The following MAP3K9 variants were observed in gnomAD, a reference collection of about 807,000 sequenced individuals.
MAP3K9 encodes the protein mitogen-activated protein kinase kinase kinase 9, also known as mixed lineage kinase 1 (tyr and ser/thr specificity).
A neutral mutation model predicts 95.8 loss-of-function variants in MAP3K9; 46 were observed. That is an observed-to-expected ratio of 0.48 (90% CI 0.38 to 0.61). The LOEUF (loss-of-function observed/expected upper bound fraction) is 0.61, where lower values mean the gene tolerates loss of function less well. Ranked by LOEUF, MAP3K9 falls within the 20% of genes least tolerant of loss-of-function variation. MAP3K9 has a pLI of 0.00. For missense variants in MAP3K9, 1,296 were observed against 1,474.3 expected (o/e 0.88, Z 1.98); for synonymous variants, 533 against 593.8 (o/e 0.90, Z 1.49).
chr14:70,760,691 G>C (rs2054361458), intron 3 of MAP3K9, among the ~76,000 whole-genome samples: 1 of 152,120 alleles, frequency 6.6e-6, no homozygotes, highest in African/African-American at 2.4e-5. Context: ...GAAGGACCGA[G>C]TGTCCTTCCC....
chr14:70,765,501 C>T, intron 2 of MAP3K9: 1 of 680,376 alleles, frequency 1.5e-6, no homozygotes, highest in Non-Finnish European at 2.7e-6. Context: ...TAAAGAAGTA[C>T]CATTTTTTAT....
intron 7 of MAP3K9, among the ~76,000 whole-genome samples, chr14:70,739,232 C>T (rs571391301): frequency 3.9e-5 from 6 of 152,188 alleles, no homozygotes; most frequent in African/African-American, 7.2e-5. Flanking sequence ...TGCATTCAAG[C>T]GATTCTCTTG....
chr14:70,749,117 A>T (rs576698188), intron 4 of MAP3K9, 113 bp from the exon 5 acceptor site: 2 of 1,024,604 alleles, frequency 2.0e-6, no homozygotes, highest in East Asian at 4.9e-5. Context: ...CTTCTTCCAG[A>T]AACAGAGATC....
At chr14:70,795,662 A>G (rs886096508) in intron 2 of MAP3K9, among the ~76,000 whole-genome samples, 1 of 152,182 alleles carries the variant, frequency 6.6e-6, no homozygotes, top group Non-Finnish European at 1.5e-5. Context: ...ATGAATATAA[A>G]AGTAATGAGA....
At chr14:70,794,532 A>C (rs1294364035) in intron 2 of MAP3K9, among the ~76,000 whole-genome samples, 1 of 152,180 alleles carries the variant, frequency 6.6e-6, no homozygotes, top group Non-Finnish European at 1.5e-5. Flanking sequence ...CAACACACTG[A>C]CAGAGGGAGG....
rs550985783 is a variant in MAP3K9, at chr14:70,795,852, G to A, written c.820+4815C>T. Among the ~76,000 whole-genome samples the A allele has an allele frequency of 2.3e-3, 343 of 151,144 alleles. 2 individuals carry two copies. The highest frequency in any genetic ancestry group is 3.6e-3 in the Non-Finnish European group (242 of 67,794). On this transcript the variant is annotated intron_variant, in intron 2 of 11. Coordinates refer to ENST00000554752, the MANE Select transcript of MAP3K9 (RefSeq NM_001284230.2). ...TAGCTCACCGCAATCTCTGCCTCCC[G>A]GGTTCAAATGATTCTGCCTCAGCCT... is the stretch of plus-strand genomic sequence containing the variant.
At chr14:70,757,807 T>C (rs925458364) in intron 3 of MAP3K9, among the ~76,000 whole-genome samples, 1 of 152,074 alleles carries the variant, frequency 6.6e-6, no homozygotes, top group Non-Finnish European at 1.5e-5. Flanking sequence ...TGGGAAAAAA[T>C]GGTCTTTTCA....
intron 3 of MAP3K9, chr14:70,753,047 T>G (rs1039570461): frequency 6.6e-6 from 1 of 152,232 alleles, no homozygotes; most frequent in Non-Finnish European, 1.5e-5. Context: ...AGAGAAAGAT[T>G]TAGACAGACT....
chr14:70,769,823 A>T (rs1204707698), intron 2 of MAP3K9, among the ~76,000 whole-genome samples: 2 of 152,200 alleles, frequency 1.3e-5, no homozygotes, highest in East Asian at 3.9e-4. Context: ...ATTAGGGCCC[A>T]TCCTAATCCA....
chr14:70,802,863 GA>G (rs564783110), intron 1 of MAP3K9, among the ~76,000 whole-genome samples: 4 of 151,698 alleles, frequency 2.6e-5, no homozygotes, highest in South Asian at 2.1e-4. Flanking sequence ...AAATAAAATG[GA>G]AAAAAAATCT....
intron 6 of MAP3K9, 37 bp from the exon 7 acceptor site, chr14:70,740,201 A>G: frequency 6.3e-7 from 1 of 1,586,252 alleles, no homozygotes. Context: ...ATGCATTAAC[A>G]TTTCCCATAA....
chr14:70,738,263 A>C lies in MAP3K9; in HGVS notation c.1826T>G (p.Leu609Arg), dbSNP rs2054013208. Residue 609 changes from leucine to arginine, a missense_variant, in exon 8 of 12, where the codon CTT (leucine) becomes CGT (arginine). Physicochemically the swap from Leu to Arg is moderately radical, Grantham distance 102. Transcript: ENST00000554752. ...CACTTACCCTTCATCTCCCGAGGCAAGCTCCTTCTGACCAAGCGTCCCTGG... is the reference window on the plus strand; with the variant it reads ...CACTTACCCTTCATCTCCCGAGGCACGCTCCTTCTGACCAAGCGTCCCTGG... ...WGPGTLGQKE[L>R]ASGDEGSPQR... 2 of 1,610,870 alleles carry C rather than the reference A, an allele frequency of 1.2e-6. No individual in the cohort carries two copies. Among genetic ancestry groups the C allele is most frequent in the Non-Finnish European group, 1.7e-6 (2 of 1,178,532 alleles).
At chr14:70,767,218 T>C (rs1198507768) in intron 2 of MAP3K9, among the ~76,000 whole-genome samples, 3 of 151,808 alleles carry the variant, frequency 2.0e-5, no homozygotes, top group East Asian at 1.9e-4. Flanking sequence ...ACCCTGTCTC[T>C]ACTAAAAATA....
intron 3 of MAP3K9, among the ~76,000 whole-genome samples, chr14:70,754,565 G>A (rs138854797): frequency 3.7e-4 from 56 of 152,170 alleles, no homozygotes; most frequent in African/African-American, 1.3e-3. Context: ...TCCACCTCCC[G>A]GGTTCACACC....
chr14:70,747,748 TG>T (rs2054167487), intron 5 of MAP3K9, among the ~76,000 whole-genome samples: 1 of 152,152 alleles, frequency 6.6e-6, no homozygotes, highest in African/African-American at 2.4e-5. Flanking sequence ...GTGGAAAAAG[TG>T]GGAAACCATA....
intron 9 of MAP3K9, among the ~76,000 whole-genome samples, chr14:70,735,562 T>G (rs899463616): frequency 6.6e-6 from 1 of 152,130 alleles, no homozygotes; most frequent in Non-Finnish European, 1.5e-5. Context: ...TAGTCAGAGA[T>G]AAGCCTGCTG....
chr14:70,732,984 C>A lies in MAP3K9; in HGVS notation c.2385G>T (p.Glu795Asp). Reference sequence around the variant, plus strand: ...GACGGCTGGACCTCTGAAAAAGACCCTCCCGTCTTTTCTTCTCCTCCCGGG... The same window carrying A: ...GACGGCTGGACCTCTGAAAAAGACCATCCCGTCTTTTCTTCTCCTCCCGGG... ...PPAREEKKRR[E>D]GLFQRSSRPR... is the part of the protein sequence containing the mutation. The change falls in exon 11 of 12, where the codon GAG (glutamate) becomes GAT (aspartate). Residue 795 changes from glutamate (E) to aspartate (D), a missense_variant. Physicochemically the swap from Glu to Asp is conservative, Grantham distance 45. Transcript: ENST00000554752. The A allele has an allele frequency of 6.2e-7, 1 of 1,614,168 alleles. No individual in the cohort carries two copies. Among genetic ancestry groups the A allele is most frequent in the Non-Finnish European group, 8.5e-7 (1 of 1,180,016 alleles).
intron 2 of MAP3K9, chr14:70,765,313 G>C (rs1191271958): frequency 2.5e-6 from 1 of 402,500 alleles, no homozygotes; most frequent in African/African-American, 2.1e-5. Context: ...CTGGGTGACA[G>C]AGTGAGACTC....
intron 1 of MAP3K9, among the ~76,000 whole-genome samples, chr14:70,807,289 G>C (rs531555835): frequency 2.0e-5 from 3 of 152,170 alleles, no homozygotes; most frequent in Non-Finnish European, 2.9e-5. Context: ...TCAGGAGTTC[G>C]AGACCAGTTT....
Sources: gnomAD v4.1 joint callset for allele counts (sites outside exome capture counted in the v4.1 genomes callset) on GRCh38, gnomAD v4.1.1 for gene constraint, MANE v1.5 for transcripts, NCBI Gene and HGNC (gene_info 2026-07-23, HGNC 2026-07-21) for gene names.